FIZ1: variants seen among roughly 807,000 people sequenced by gnomAD.
FIZ1 encodes FLT3 interacting zinc finger 1, also known as flt3-interacting zinc finger protein 1.
A neutral mutation model predicts 5.3 loss-of-function variants in FIZ1; 2 were observed. The ratio of observed to expected loss-of-function variants is 0.37; its 90% CI spans 0.15 to 1.18. FIZ1 has a LOEUF of 1.18. Among genes scored for constraint, FIZ1 ranks in the 50% most tolerant of loss-of-function variants. FIZ1 has a pLI of 0.37. For missense variants in FIZ1, 631 were observed against 749.7 expected, an observed-to-expected ratio of 0.84 and a Z score of 1.85; for synonymous variants, 407 against 364.2, an observed-to-expected ratio of 1.12 and a Z score of -1.34.
chr19:55,596,815 G>A (rs919327356), intron 2 of FIZ1, among the ~76,000 whole-genome samples: 1 of 152,166 alleles, frequency 6.6e-6, no homozygotes, highest in Non-Finnish European at 1.5e-5. Flanking sequence ...TGGGATTACA[G>A]GTGCATGCCA....
chr19:55,592,406 G>A lies in FIZ1; in HGVS notation c.*44C>T. On this transcript the variant is annotated 3_prime_UTR_variant, in exon 3 of 3. Coordinates refer to ENST00000221665, the MANE Select transcript of FIZ1 (RefSeq NM_032836.3). The surrounding 1 kb of genome is among the most constrained non-coding windows in gnomAD (Gnocchi z 6.9). ...CCCGAGGTCCCCTGGTCCAGGCCGA[G>A]TCCAGGAGGCTGGGTGGAGGGCAGG... 1 of 1,497,440 alleles carries A rather than the reference G, an allele frequency of 6.7e-7. No homozygotes were observed. Among genetic ancestry groups the A allele is most frequent in the Non-Finnish European group, 9.0e-7 (1 of 1,116,964 alleles). 92.8% of individuals were successfully genotyped at this position (1,497,440 alleles called of 1,614,324 possible).
intron 2 of FIZ1, among the ~76,000 whole-genome samples, chr19:55,594,270 G>C (rs186595058): frequency 1.3e-5 from 2 of 151,664 alleles, no homozygotes; most frequent in Non-Finnish European, 2.9e-5. Flanking sequence ...GTAGTCCCAG[G>C]GACCTGTAGT....
intron 2 of FIZ1, among the ~76,000 whole-genome samples, chr19:55,594,871 G>C (rs981989403): frequency 2.0e-5 from 3 of 152,036 alleles, no homozygotes; most frequent in African/African-American, 7.3e-5. Context: ...GGTGTGTTAG[G>C]GCAGAGAAGT....
chr19:55,593,356 G>T lies in FIZ1; in HGVS notation c.585C>A (p.Ala195=), dbSNP rs1316171963. ...CGCCGCACGCAAATGGGGGCAAGGA[G>T]GCCGCGGCCGCAGCTGCCGCCTCTG... ...GLAEAAAAAA[A]SLPPFACGAC... Residue 195 remains alanine (A), a synonymous_variant, in exon 3 of 3, where the codon GCC becomes GCA. Coordinates refer to ENST00000221665, the MANE Select transcript of FIZ1 (RefSeq NM_032836.3). The surrounding 1 kb of genome is among the most constrained non-coding windows in gnomAD (Gnocchi z 6.3). 4 of 1,347,978 alleles carry T rather than the reference G, an allele frequency of 3.0e-6. No individual in the cohort carries two copies. The East Asian group carries it at 1.3e-4, about 43-fold the overall frequency. The allele number at this position is 1,347,978 out of a possible 1,614,324, so 83.5% of individuals were successfully genotyped here.
chr19:55,595,122 G>T (rs981999340), intron 2 of FIZ1, among the ~76,000 whole-genome samples: 1 of 152,204 alleles, frequency 6.6e-6, no homozygotes, highest in African/African-American at 2.4e-5. Flanking sequence ...AACAGAGAGA[G>T]ATTTGTGAGT....
intron 2 of FIZ1, among the ~76,000 whole-genome samples, chr19:55,594,488 G>A (rs1287227999): frequency 6.7e-6 from 1 of 148,372 alleles, no homozygotes; most frequent in Admixed American, 6.6e-5. Context: ...ATGAGGTCAG[G>A]AGATCGAGAC....
intron 1 of FIZ1, chr19:55,599,164 C>T (rs901630166): frequency 2.6e-5 from 4 of 152,780 alleles, no homozygotes; most frequent in Non-Finnish European, 5.9e-5. Flanking sequence ...CCGCCCAACT[C>T]AGGCTCCTCC....
At position 55,597,637 on chromosome 19, in the gene FIZ1, G is replaced by C; in HGVS notation, c.229C>G (p.Arg77Gly). 6.2e-7 allele frequency: 1 copy of C among 1,613,690 alleles called. No homozygotes were observed. The highest frequency in any genetic ancestry group is 8.5e-7 in the Non-Finnish European group (1 of 1,179,890). Residue 77 changes from arginine to glycine, a missense_variant, in exon 2 of 3, where the codon CGG (arginine) becomes GGG (glycine). Transcript: ENST00000221665. ...ANHLRSHTGE[R>G]PYRCSACPKG... ...GGGCAGGCAGAGCAGCGGTAGGGCC[G>C]CTCCCCGGTGTGCGAGCGCAGGTGG...
chr19:55,595,036 G>A lies in FIZ1; in HGVS notation c.295-1390C>T, dbSNP rs191012061. 2.0e-5 allele frequency among the ~76,000 whole-genome samples: 3 copies of A among 152,360 alleles called. No individual in the cohort carries two copies. In the East Asian group the frequency reaches 5.8e-4, roughly 29 times the overall value. On this transcript the variant is annotated intron_variant, in intron 2 of 2. Coordinates refer to ENST00000221665, the MANE Select transcript of FIZ1 (RefSeq NM_032836.3). ...TTTTTTCTGAGGCATTGCCAGGCTT[G>A]TAGACTGTGTAAAACCGTGCCTTAG...
chr19:55,592,361 G>A lies in FIZ1; in HGVS notation c.*89C>T. ...CTGCGTCTGGATTTGGATTTGGAGG[G>A]CCGGGGCCTCACGCGCAGTCCCGAG... On this transcript the variant is annotated 3_prime_UTR_variant, in exon 3 of 3. Coordinates refer to ENST00000221665, the MANE Select transcript of FIZ1 (RefSeq NM_032836.3). The surrounding 1 kb of genome is among the most constrained non-coding windows in gnomAD (Gnocchi z 6.9). The A allele has an allele frequency of 7.9e-7, 1 of 1,272,066 alleles. No homozygotes were observed. The highest frequency in any genetic ancestry group is 2.6e-5 in the East Asian group (1 of 38,556). 78.8% of individuals were successfully genotyped at this position (1,272,066 alleles called of 1,614,324 possible). A position where few individuals can be genotyped will look rare whatever the true frequency, so the allele number is the denominator to read the frequency against.
rs1285888456 is a variant in FIZ1, at chr19:55,593,149, G to A, written c.792C>T (p.Ala264=). 3 of 1,181,490 alleles carry A rather than the reference G, an allele frequency of 2.5e-6. No homozygotes were observed. Among genetic ancestry groups the A allele is most frequent in the South Asian group, 2.4e-5 (1 of 41,030 alleles). The allele number at this position is 1,181,490 out of a possible 1,614,324, so 73.2% of individuals were successfully genotyped here. A position where few individuals can be genotyped will look rare whatever the true frequency, so the allele number is the denominator to read the frequency against. Residue 264 remains alanine (A), a synonymous_variant, in exon 3 of 3, where the codon GCC becomes GCT. Transcript: ENST00000221665. The surrounding 1 kb of genome is among the most constrained non-coding windows in gnomAD (Gnocchi z 6.3). ...GPGAPPAQAW[A]AGPGAGPETA... ...TCTCGGGCCCTGCGCCTGGCCCCGC[G>A]GCCCAGGCCTGCGCTGGGGGCGCGC... is the stretch of plus-strand genomic sequence containing the variant.
At chr19:55,594,678 C>T (rs1980233481) in intron 2 of FIZ1, among the ~76,000 whole-genome samples, 1 of 115,070 alleles carries the variant, frequency 8.7e-6, no homozygotes, top group Non-Finnish European at 1.6e-5. Flanking sequence ...GTCTGGGCGA[C>T]AGAGCGAGAC....
rs546140744 is a variant in FIZ1, at chr19:55,594,494, G to A, written c.295-848C>T. 1.4e-3 allele frequency among the ~76,000 whole-genome samples: 208 copies of A among 151,000 alleles called. 1 individual carries two copies. The highest frequency in any genetic ancestry group is 4.2e-3 in the African/African-American group (172 of 41,014). ...GGGCGGATCATGAGGTCAGGAGATCGAGACCATCCTGGCTAACACGGTGAA... is the reference window on the plus strand; with the variant it reads ...GGGCGGATCATGAGGTCAGGAGATCAAGACCATCCTGGCTAACACGGTGAA... On this transcript the variant is annotated intron_variant, in intron 2 of 2. Transcript: ENST00000221665.
chr19:55,594,751 G>A (rs1980243224), intron 2 of FIZ1, among the ~76,000 whole-genome samples: 1 of 151,168 alleles, frequency 6.6e-6, no homozygotes, highest in Non-Finnish European at 1.5e-5. Context: ...GGCTATACTG[G>A]ACAGTGCAGC....
In FIZ1 at chr19:55,592,543, G is replaced by A. The variant is rs926479142; in HGVS notation, c.1398C>T (p.Thr466=). 2.5e-6 allele frequency: 4 copies of A among 1,609,600 alleles called. No homozygotes were observed. Among genetic ancestry groups the A allele is most frequent in the Non-Finnish European group, 3.4e-6 (4 of 1,178,218 alleles). ...AGATGTGGCAAGGGAAGGGCCGCTC[G>A]GTGCCGTGCAGCAGCCGGTGGCGCT... The part of the protein sequence containing the change: ...YLKRHRLLHG[T]ERPFPCHICG... Residue 466 remains threonine, a synonymous_variant, in exon 3 of 3, where the codon ACC becomes ACT. Transcript: ENST00000221665. This position sits in a 1 kb window ranked among gnomAD's most constrained non-coding sequence, Gnocchi z 6.9.
chr19:55,596,850 T>C (rs1004976952), intron 2 of FIZ1, among the ~76,000 whole-genome samples: 4 of 152,298 alleles, frequency 2.6e-5, no homozygotes, highest in African/African-American at 7.2e-5. Context: ...TTTTTGTATT[T>C]TTAGTAGAGA....
At position 55,592,899 on chromosome 19, in the gene FIZ1, G is replaced by A; in HGVS notation, c.1042C>T (p.His348Tyr). 1 of 1,541,044 alleles carries A rather than the reference G, an allele frequency of 6.5e-7. No homozygotes were observed. Among genetic ancestry groups the A allele is most frequent in the Non-Finnish European group, 8.7e-7 (1 of 1,150,808 alleles). The change falls in exon 3 of 3, where the codon CAC becomes TAC. Residue 348 changes from histidine (H) to tyrosine (Y), a missense_variant. By Grantham distance (83) the His-to-Tyr change is moderately conservative. Transcript: ENST00000221665. This position sits in a 1 kb window ranked among gnomAD's most constrained non-coding sequence, Gnocchi z 6.9. ...FFASAAALAS[H>Y]LEAHSGPATY... Reference sequence around the variant, plus strand: ...GCCGGGCCCGAGTGGGCCTCCAGGTGACTGGCCAGGGCCGCGGCCGACGCA... The same window carrying A: ...GCCGGGCCCGAGTGGGCCTCCAGGTAACTGGCCAGGGCCGCGGCCGACGCA...
rs1980115798 is a variant in FIZ1, at chr19:55,593,108, G to T, written c.833C>A (p.Thr278Asn). ...GAGPETAGEG[T>N]AAEAGDAPLA... ...AGGAGCGTCGCCCGCCTCCGCAGCGGTGCCTTCGCCCGCCGTCTCGGGCCC... is the reference window on the plus strand; with the variant it reads ...AGGAGCGTCGCCCGCCTCCGCAGCGTTGCCTTCGCCCGCCGTCTCGGGCCC... The change falls in exon 3 of 3, where the codon ACC (threonine) becomes AAC (asparagine). Residue 278 changes from threonine (T) to asparagine (N), a missense_variant. Transcript: ENST00000221665. This position sits in a 1 kb window ranked among gnomAD's most constrained non-coding sequence, Gnocchi z 6.3. The T allele has an allele frequency of 2.3e-6, 3 of 1,298,334 alleles. No individual in the cohort carries two copies. The highest frequency in any genetic ancestry group is 2.9e-6 in the Non-Finnish European group (3 of 1,024,772). 80.4% of individuals were successfully genotyped at this position (1,298,334 alleles called of 1,614,324 possible).
intron 2 of FIZ1, among the ~76,000 whole-genome samples, chr19:55,594,514 G>A (rs1271926888): frequency 6.6e-6 from 1 of 151,302 alleles, no homozygotes; most frequent in Non-Finnish European, 1.5e-5. Flanking sequence ...TGGCTAACAC[G>A]GTGAAACCCC....
Sources: allele counts gnomAD v4.1 joint callset (sites outside exome capture counted in the v4.1 genomes callset), GRCh38; gene constraint gnomAD v4.1.1; non-coding constraint Gnocchi (gnomAD v3.1); transcripts MANE v1.5; gene names NCBI Gene and HGNC (gene_info 2026-07-23, HGNC 2026-07-21).